Variants in MYO3B observed in about 807,000 individuals in gnomAD.
The protein encoded by MYO3B is myosin-IIIb.
MYO3B carries 156 observed loss-of-function variants against 174.6 expected under a neutral mutation model. That is an observed-to-expected ratio of 0.89 (90% CI 0.78 to 1.02). The LOEUF is 1.02. MYO3B is among the 50% of genes least tolerant of loss of function. The pLI is 0.00. For synonymous variants in MYO3B, 563 were observed against 569.1 expected, an observed-to-expected ratio of 0.99 and a Z score of 0.15; for missense variants, 1,632 against 1,639.4, an observed-to-expected ratio of 1.00 and a Z score of 0.08.
chr2:170,185,687 T>G (rs568524082), intron 1 of MYO3B, among the ~76,000 whole-genome samples: 2 of 152,276 alleles, frequency 1.3e-5, no homozygotes, highest in East Asian at 3.9e-4. Context: ...AGGAATGACA[T>G]TGGTATTTTG....
intron 7 of MYO3B, among the ~76,000 whole-genome samples, chr2:170,295,791 A>G (rs974628997): frequency 6.6e-6 from 1 of 152,162 alleles, no homozygotes; most frequent in Non-Finnish European, 1.5e-5. Context: ...CTTCTTTATT[A>G]TAAGACATAT....
intron 23 of MYO3B, among the ~76,000 whole-genome samples, chr2:170,462,349 T>A (rs1248429273): frequency 6.6e-6 from 1 of 152,242 alleles, no homozygotes; most frequent in Non-Finnish European, 1.5e-5. Context: ...TTTTCTCCCC[T>A]TCTTAAATGA....
chr2:170,235,649 A>G (rs529860365), intron 6 of MYO3B, among the ~76,000 whole-genome samples: 1 of 152,348 alleles, frequency 6.6e-6, no homozygotes, highest in African/African-American at 2.4e-5. Context: ...GTAGCTGGTA[A>G]TGAGGTGAAG....
At chr2:170,332,014 A>G (rs2093915273) in intron 7 of MYO3B, 1 of 152,226 alleles carries the variant, frequency 6.6e-6, no homozygotes. Context: ...CCTTAATTAC[A>G]TAAATAAAGT....
intron 28 of MYO3B, among the ~76,000 whole-genome samples, chr2:170,505,099 G>GA (rs922627581): frequency 2.0e-5 from 3 of 151,720 alleles, no homozygotes; most frequent in South Asian, 2.1e-4. Flanking sequence ...AAAACAAACG[G>GA]AAAAAAAATA....
intron 32 of MYO3B, chr2:170,644,513 C>A (rs1439562303): frequency 4.6e-5 from 7 of 152,366 alleles, no homozygotes; most frequent in Admixed American, 3.9e-4. Flanking sequence ...TTTTGAACTC[C>A]TGACCTCAGG....
chr2:170,411,631 C>T (rs143087888), intron 22 of MYO3B: 15 of 152,136 alleles, frequency 9.9e-5, no homozygotes, highest in African/African-American at 3.4e-4. Flanking sequence ...GGATCAACCT[C>T]GGTGTGTATA....
In MYO3B at chr2:170,499,717, G is replaced by T; in HGVS notation, c.3198G>T (p.Val1066=). ...GAGAAGTCATAGGCAGAGTGGTTGTGCTGCAGGCATATACCAAGGGGTGGC... is the reference window on the plus strand; with the variant it reads ...GAGAAGTCATAGGCAGAGTGGTTGTTCTGCAGGCATATACCAAGGGGTGGC... ...LLREVIGRVV[V]LQAYTKGWLG... is the part of the protein sequence containing the mutation. The change falls in exon 27 of 35, where the codon GTG becomes GTT. Residue 1066 remains valine, a synonymous_variant. Transcript: ENST00000408978. The T allele has an allele frequency of 6.2e-7, 1 of 1,614,090 alleles. No individual in the cohort carries two copies. Among genetic ancestry groups the T allele is most frequent in the Non-Finnish European group, 8.5e-7 (1 of 1,179,984 alleles).
At chr2:170,632,260 C>T (rs1291140746) in intron 32 of MYO3B, among the ~76,000 whole-genome samples, 1 of 152,044 alleles carries the variant, frequency 6.6e-6, no homozygotes, top group Non-Finnish European at 1.5e-5. Flanking sequence ...AAATGTAAAA[C>T]AACAGAAATC....
chr2:170,319,972 C>G (rs2093803704), intron 7 of MYO3B, among the ~76,000 whole-genome samples: 1 of 152,112 alleles, frequency 6.6e-6, no homozygotes, highest in South Asian at 2.1e-4. Context: ...CCCAGATAAA[C>G]AGAGGTTGAG....
intron 9 of MYO3B, 144 bp from the exon 10 acceptor site, chr2:170,381,872 G>A (rs2094337949): frequency 2.3e-5 from 14 of 597,876 alleles, no homozygotes; most frequent in Non-Finnish European, 4.2e-5. Context: ...AAAAGCCTGG[G>A]GACCTGGACT....
At chr2:170,189,137 G>GC (rs2092507636) in intron 1 of MYO3B, among the ~76,000 whole-genome samples, 1 of 152,088 alleles carries the variant, frequency 6.6e-6, no homozygotes, top group Non-Finnish European at 1.5e-5. Context: ...TAGGATAAAA[G>GC]TTTTTTTCCT....
chr2:170,585,160 A>T (rs1693416582), intron 32 of MYO3B, among the ~76,000 whole-genome samples: 1 of 152,216 alleles, frequency 6.6e-6, no homozygotes. Context: ...TGTGCAGCCA[A>T]GGTTGAAAAT....
chr2:170,472,422 A>G (rs994923492), intron 25 of MYO3B, among the ~76,000 whole-genome samples: 2 of 152,064 alleles, frequency 1.3e-5, no homozygotes, highest in African/African-American at 2.4e-5. Flanking sequence ...TGCTCAGGCT[A>G]TGTCGACTAA....
In MYO3B at chr2:170,529,673, A is replaced by G. The variant is rs75193974; in HGVS notation, c.3575+10133A>G. ...AGCTCTTTATTATATTCCCGCTCAG[A>G]ATGAGTTTCTGCCCAAAAGACCTTT... On this transcript the variant is annotated intron_variant, in intron 30 of 34. Transcript: ENST00000408978. 0.01 allele frequency among the ~76,000 whole-genome samples: 1,569 copies of G among 152,298 alleles called. 49 individuals are homozygous for G. The East Asian group carries it at 0.1, about 10-fold the overall frequency.
At chr2:170,271,271 TTAAAA>T (rs2093423373) in intron 7 of MYO3B, among the ~76,000 whole-genome samples, 1 of 152,232 alleles carries the variant, frequency 6.6e-6, no homozygotes, top group African/African-American at 2.4e-5. Flanking sequence ...CAGCATAATC[TTAAAA>T]TAAATGTTAT....
chr2:170,200,823 C>T (rs2092653477), intron 3 of MYO3B, among the ~76,000 whole-genome samples: 1 of 152,180 alleles, frequency 6.6e-6, no homozygotes, highest in South Asian at 2.1e-4. Context: ...ATGGTCATAA[C>T]AGAGACCTAA....
Position 170,400,289 on chromosome 2 carries a change from G to A in MYO3B, c.1893G>A (p.Val631=). The A allele has an allele frequency of 6.2e-7, 1 of 1,614,042 alleles. No homozygotes were observed. Among genetic ancestry groups the A allele is most frequent in the Admixed American group, 1.7e-5 (1 of 60,000 alleles). The change falls in exon 17 of 35, where the codon GTG becomes GTA. Residue 631 remains valine (V), a synonymous_variant. Coordinates refer to ENST00000408978, the MANE Select transcript of MYO3B (RefSeq NM_138995.5). ...AACATCAGACTGATAAAAGTGAGGT[G>A]CCCAATGCTGAAGCTTTGCAAAATG... The part of the protein sequence containing the change: ...SSQHQTDKSE[V]PNAEALQNAA...
chr2:170,303,988 A>G (rs2093683262), intron 7 of MYO3B, among the ~76,000 whole-genome samples: 1 of 152,196 alleles, frequency 6.6e-6, no homozygotes, highest in African/African-American at 2.4e-5. Context: ...GTTTTCAATA[A>G]TATAGAAGTT....
Sources: gnomAD v4.1 joint callset for allele counts (sites outside exome capture counted in the v4.1 genomes callset) on GRCh38, gnomAD v4.1.1 for gene constraint, MANE v1.5 for transcripts, NCBI Gene and HGNC (gene_info 2026-07-23, HGNC 2026-07-21) for gene names.